LRRC37A2: variants seen among roughly 807,000 people sequenced by gnomAD.
LRRC37A2 encodes leucine-rich repeat-containing protein 37A2.
Under a neutral mutation model 68.8 loss-of-function variants are expected in LRRC37A2, and 9 were observed. The ratio of observed to expected loss-of-function variants is 0.13; its 90% CI spans 0.08 to 0.23. The LOEUF (loss-of-function observed/expected upper bound fraction) is 0.23, where lower values mean the gene tolerates loss of function less well. LRRC37A2 is among the 10% of genes least tolerant of loss of function. The pLI, the probability that LRRC37A2 is intolerant of heterozygous loss-of-function variation, is 1.00. For synonymous variants in LRRC37A2, 63 were observed against 367.6 expected (o/e 0.17, Z 9.48); for missense variants, 168 against 950.4 (o/e 0.18, Z 10.82).
At chr17:46,997,882 A>G in the LRRC37A2 span, among the ~76,000 whole-genome samples, 39 of 151,710 alleles carry the variant, frequency 2.6e-4, no homozygotes, top group South Asian at 8.0e-3. Flanking sequence ...AGGCAGGAGA[A>G]TTGTTTGAAC....
At chr17:46,851,085 A>G in the LRRC37A2 span, among the ~76,000 whole-genome samples, 49 of 152,324 alleles carry the variant, frequency 3.2e-4, no homozygotes, top group Admixed American at 2.7e-3. This position sits in a 1 kb window ranked among gnomAD's most constrained non-coding sequence, Gnocchi z 4.3. Flanking sequence ...GTTCTGCACC[A>G]GGACCCGGCC....
chr17:46,896,392 G>GAGAAAGAAAGAA, the LRRC37A2 span, among the ~76,000 whole-genome samples: 18 of 88,858 alleles, frequency 2.0e-4, no homozygotes, highest in East Asian at 4.5e-4. Flanking sequence ...AAGAAAGAAA[G>GAGAAAGAAAGAA]AGAAAGAAAG....
the LRRC37A2 span, among the ~76,000 whole-genome samples, chr17:46,849,452 G>T: frequency 6.6e-6 from 1 of 152,098 alleles, no homozygotes; most frequent in Non-Finnish European, 1.5e-5. Flanking sequence ...TGCCTAGGGG[G>T]TGTGGCTGGG....
chr17:46,758,900 C>G, the LRRC37A2 span, among the ~76,000 whole-genome samples: 1 of 152,156 alleles, frequency 6.6e-6, no homozygotes, highest in African/African-American at 2.4e-5. Flanking sequence ...GGTCCATAGC[C>G]TCTTTAAAGA....
chr17:46,788,895 G>A, the LRRC37A2 span, among the ~76,000 whole-genome samples: 3 of 152,168 alleles, frequency 2.0e-5, no homozygotes, highest in Admixed American at 1.3e-4. Context: ...TGGCTCTCTG[G>A]GCCTTTTAAC....
chr17:46,765,321 G>A, the LRRC37A2 span, among the ~76,000 whole-genome samples: 1 of 152,234 alleles, frequency 6.6e-6, no homozygotes, highest in Non-Finnish European at 1.5e-5. Context: ...ACTCTTGCCA[G>A]AACCTTTCCA....
the LRRC37A2 span, among the ~76,000 whole-genome samples, chr17:46,881,634 C>T: frequency 1.3e-5 from 2 of 152,172 alleles, no homozygotes; most frequent in Admixed American, 1.3e-4. Flanking sequence ...AATCTAGTTC[C>T]CAAACAGGCC....
chr17:46,786,964 G>A, the LRRC37A2 span, among the ~76,000 whole-genome samples: 70 of 150,396 alleles, frequency 4.7e-4, no homozygotes, highest in African/African-American at 1.4e-3. Flanking sequence ...TTGAGACAGG[G>A]TCTCACTCTG....
At chr17:46,809,171 T>C in the LRRC37A2 span, among the ~76,000 whole-genome samples, 5 of 152,080 alleles carry the variant, frequency 3.3e-5, no homozygotes, top group Non-Finnish European at 5.9e-5. Context: ...AGTGAAATCA[T>C]AGGGAGCCTC....
chr17:46,875,998 C>T, the LRRC37A2 span, among the ~76,000 whole-genome samples: 3 of 151,632 alleles, frequency 2.0e-5, no homozygotes, highest in Admixed American at 1.3e-4. Context: ...TGTTCAGTCA[C>T]TGAGTTGGTG....
chr17:46,979,030 C>A, the LRRC37A2 span: 1 of 1,387,140 alleles, frequency 7.2e-7, no homozygotes, highest in African/African-American at 1.5e-5. Flanking sequence ...CCGGGGGTCT[C>A]GGCGCGCAGT....
At chr17:46,503,290 A>G in the LRRC37A2 span, among the ~76,000 whole-genome samples, 1 of 148,446 alleles carries the variant, frequency 6.7e-6, no homozygotes, top group African/African-American at 2.6e-5. Flanking sequence ...AAGTAATTTC[A>G]TTTTTTACTT....
the LRRC37A2 span, among the ~76,000 whole-genome samples, chr17:46,494,767 A>G: frequency 1.3e-5 from 2 of 151,222 alleles, no homozygotes; most frequent in Non-Finnish European, 2.9e-5. Context: ...GTGTGTAATG[A>G]TCAAATCAGG....
chr17:46,496,689 T>G, the LRRC37A2 span, among the ~76,000 whole-genome samples: 1 of 132,314 alleles, frequency 7.6e-6, no homozygotes, highest in East Asian at 2.1e-4. Flanking sequence ...CCGAGGCAGG[T>G]GAATCACCTG....
the LRRC37A2 span, among the ~76,000 whole-genome samples, chr17:46,816,475 G>GCACGCACACACACACACA: frequency 2.1e-5 from 3 of 144,242 alleles, no homozygotes; most frequent in African/African-American, 7.7e-5. Context: ...CAGAACACAC[G>GCACGCACACACACACACA]CACACACACA....
At chr17:46,916,037 CAAT>C in the LRRC37A2 span, among the ~76,000 whole-genome samples, 1 of 152,208 alleles carries the variant, frequency 6.6e-6, no homozygotes, top group Admixed American at 6.5e-5. Flanking sequence ...TGACATGACA[CAAT>C]AATGAGAGTG....
chr17:46,790,158 C>T, the LRRC37A2 span, among the ~76,000 whole-genome samples: 1 of 152,166 alleles, frequency 6.6e-6, no homozygotes, highest in Non-Finnish European at 1.5e-5. Flanking sequence ...CTTCATCAGT[C>T]CCTGCCACCC....
chr17:46,490,309 G>A, the LRRC37A2 span, among the ~76,000 whole-genome samples: 8 of 151,224 alleles, frequency 5.3e-5, no homozygotes, highest in African/African-American at 1.7e-4. Flanking sequence ...GGCTGTGGCC[G>A]GCCATAGTTT....
chr17:46,823,125 A>G, the LRRC37A2 span, among the ~76,000 whole-genome samples: 17 of 134,054 alleles, frequency 1.3e-4, no homozygotes, highest in African/African-American at 4.8e-4. Context: ...TATATATTAT[A>G]TATTATATAT....
Sources: allele counts gnomAD v4.1 joint callset (sites outside exome capture counted in the v4.1 genomes callset), GRCh38; gene constraint gnomAD v4.1.1; non-coding constraint Gnocchi (gnomAD v3.1); transcripts MANE v1.5; gene names NCBI Gene and HGNC (gene_info 2026-07-23, HGNC 2026-07-21).